PRKCE: variants seen among roughly 807,000 people sequenced by gnomAD.
PRKCE encodes protein kinase C epsilon, also known as protein kinase C epsilon type.
A neutral mutation model predicts 85.4 loss-of-function variants in PRKCE; 16 were observed. The ratio of observed to expected loss-of-function variants is 0.19; its 90% CI spans 0.13 to 0.28. PRKCE has a LOEUF of 0.28. Ranked by LOEUF, PRKCE falls within the 10% of genes least tolerant of loss-of-function variation. The pLI is 1.00. For missense variants in PRKCE, 573 were observed against 975.2 expected (o/e 0.59, Z 5.49); for synonymous variants, 388 against 371.5 (o/e 1.04, Z -0.51).
chr2:45,677,350 T>G (rs1251715264), intron 1 of PRKCE, among the ~76,000 whole-genome samples: 3 of 137,604 alleles, frequency 2.2e-5, no homozygotes, highest in African/African-American at 8.2e-5. Context: ...TTTGTTGTTG[T>G]TGTTTTTTTT....
intron 1 of PRKCE, among the ~76,000 whole-genome samples, chr2:45,735,475 C>T (rs1681976203): frequency 6.6e-6 from 1 of 152,222 alleles, no homozygotes; most frequent in African/African-American, 2.4e-5. Flanking sequence ...ATAGGCAAGT[C>T]ATTTGACTTT....
chr2:46,046,661 A>C (rs1016251984), intron 10 of PRKCE, among the ~76,000 whole-genome samples: 1 of 152,180 alleles, frequency 6.6e-6, no homozygotes, highest in African/African-American at 2.4e-5. Flanking sequence ...AGCTGGTTGA[A>C]ACTTTAAAAG....
At chr2:45,705,667 G>A (rs1409230450) in intron 1 of PRKCE, among the ~76,000 whole-genome samples, 2 of 152,192 alleles carry the variant, frequency 1.3e-5, no homozygotes, top group Non-Finnish European at 2.9e-5. Context: ...TGGACTTGAT[G>A]GCATTTGACT....
chr2:45,929,164 C>T (rs1188469538), intron 2 of PRKCE, among the ~76,000 whole-genome samples: 1 of 152,140 alleles, frequency 6.6e-6, no homozygotes, highest in Non-Finnish European at 1.5e-5. Context: ...GTCATCCTAC[C>T]ACGCGGGTCA....
intron 2 of PRKCE, among the ~76,000 whole-genome samples, chr2:45,949,467 T>C (rs577814135): frequency 7.0e-6 from 1 of 142,400 alleles, no homozygotes; most frequent in African/African-American, 2.6e-5. Flanking sequence ...TTAATATACA[T>C]TGAACTAAAT....
chr2:45,778,186 A>G (rs1279042463), intron 1 of PRKCE, among the ~76,000 whole-genome samples: 1 of 152,142 alleles, frequency 6.6e-6, no homozygotes, highest in African/African-American at 2.4e-5. Context: ...CCAATTGCTG[A>G]TGGCTTTGCC....
chr2:45,748,886 C>T (rs962799754), intron 1 of PRKCE, among the ~76,000 whole-genome samples: 2 of 123,040 alleles, frequency 1.6e-5, no homozygotes, highest in Non-Finnish European at 3.4e-5. Flanking sequence ...AGAGAGGGAA[C>T]AGGATTTTTT....
At chr2:45,735,116 G>T (rs1382694153) in intron 1 of PRKCE, among the ~76,000 whole-genome samples, 1 of 152,204 alleles carries the variant, frequency 6.6e-6, no homozygotes, top group African/African-American at 2.4e-5. Flanking sequence ...AGTGGCCTGT[G>T]ATGTGGGCAG....
intron 13 of PRKCE, among the ~76,000 whole-genome samples, chr2:46,152,634 T>C (rs1168066239): frequency 6.6e-6 from 1 of 151,466 alleles, no homozygotes; most frequent in Admixed American, 6.6e-5. Flanking sequence ...CTGCAACCTC[T>C]GCCTCTCGGG....
At chr2:45,834,592 A>ATGTGTG (rs35972016) in intron 1 of PRKCE, among the ~76,000 whole-genome samples, 3,888 of 149,326 alleles carry the variant, frequency 0.026, 141 homozygotes, top group Admixed American at 0.11. Flanking sequence ...GCATGTGTGT[A>ATGTGTG]TGTGTGTGTG....
At chr2:46,024,137 G>A (rs1706908605) in intron 10 of PRKCE, among the ~76,000 whole-genome samples, 2 of 152,174 alleles carry the variant, frequency 1.3e-5, no homozygotes, top group South Asian at 2.1e-4. Flanking sequence ...AGCCCAAGGT[G>A]TAAATAAAAT....
At chr2:46,160,942 C>T (rs1472366881) in intron 14 of PRKCE, among the ~76,000 whole-genome samples, 4 of 152,208 alleles carry the variant, frequency 2.6e-5, no homozygotes, top group East Asian at 1.9e-4. Flanking sequence ...TGAACATCCC[C>T]GGATGCTTGG....
At chr2:45,931,555 C>T (rs1001362022) in intron 2 of PRKCE, among the ~76,000 whole-genome samples, 6 of 152,198 alleles carry the variant, frequency 3.9e-5, no homozygotes, top group African/African-American at 1.4e-4. Flanking sequence ...TTCACCGTTC[C>T]ATTGGGGCTT....
chr2:45,898,250 T>C (rs1239928170), intron 2 of PRKCE, among the ~76,000 whole-genome samples: 1 of 152,130 alleles, frequency 6.6e-6, no homozygotes, highest in Non-Finnish European at 1.5e-5. Context: ...GGAGGGGAGT[T>C]AAGCTTCACC....
chr2:46,125,020 T>G (rs569098605), intron 11 of PRKCE, among the ~76,000 whole-genome samples: 1 of 152,352 alleles, frequency 6.6e-6, no homozygotes, highest in South Asian at 2.1e-4. Flanking sequence ...GTGTCTTGCC[T>G]TGTTCAGCCA....
intron 1 of PRKCE, among the ~76,000 whole-genome samples, chr2:45,664,255 TG>T (rs1379606610): frequency 6.6e-6 from 1 of 152,222 alleles, no homozygotes; most frequent in African/African-American, 2.4e-5. Context: ...ACTAGTAGAA[TG>T]GGCTTTGGAG....
chr2:46,054,268 C>T (rs1330537804), intron 10 of PRKCE, among the ~76,000 whole-genome samples: 1 of 152,196 alleles, frequency 6.6e-6, no homozygotes, highest in Non-Finnish European at 1.5e-5. Context: ...GTGAGATGGG[C>T]AGTGTGGCTA....
intron 11 of PRKCE, among the ~76,000 whole-genome samples, chr2:46,135,746 CTTTTTTTTT>C (rs11417233): frequency 5.8e-4 from 12 of 20,654 alleles, no homozygotes; most frequent in East Asian, 3.5e-3. Context: ...ACAAATTATG[CTTTTTTTTT>C]TTTTTTTTTT....
intron 11 of PRKCE, among the ~76,000 whole-genome samples, chr2:46,128,682 A>C (rs1428364558): frequency 6.6e-6 from 1 of 152,196 alleles, no homozygotes; most frequent in Non-Finnish European, 1.5e-5. Flanking sequence ...TCTTTTAATC[A>C]GTTTTCCAGT....
Sources: gnomAD v4.1 joint callset for allele counts (sites outside exome capture counted in the v4.1 genomes callset) on GRCh38, gnomAD v4.1.1 for gene constraint, MANE v1.5 for transcripts, NCBI Gene and HGNC (gene_info 2026-07-23, HGNC 2026-07-21) for gene names.